Variants in PTPRN2 observed in about 807,000 individuals in gnomAD.
The protein encoded by PTPRN2 is receptor-type tyrosine-protein phosphatase N2.
A neutral mutation model predicts 118.8 loss-of-function variants in PTPRN2; 74 were observed. That is an observed-to-expected ratio of 0.62 (90% CI 0.52 to 0.76). PTPRN2 has a LOEUF of 0.76. Ranked by LOEUF, PTPRN2 falls within the 30% of genes least tolerant of loss-of-function variation. The pLI is 0.00. For synonymous variants in PTPRN2, 641 were observed against 608.0 expected (o/e 1.05, Z -0.80); for missense variants, 1,481 against 1,394.4 (o/e 1.06, Z -0.99).
Position 158,291,696 on chromosome 7 carries a change from A to G in PTPRN2, c.277+25123T>C, listed in dbSNP as rs565949400. ...TTTCTGAGGCTGAATACAGTGTTAA[A>G]TGAAATTCCCTGTCTGCACCAATGT... On this transcript the variant is annotated intron_variant, in intron 3 of 22. Transcript: ENST00000389418. Among the ~76,000 whole-genome samples, 3 of 152,342 alleles carry G rather than the reference A, an allele frequency of 2.0e-5. No homozygotes were observed. In the East Asian group the frequency reaches 5.8e-4, roughly 29 times the overall value.
chr7:158,213,799 A>G (rs1827777929), intron 3 of PTPRN2, among the ~76,000 whole-genome samples: 1 of 152,240 alleles, frequency 6.6e-6, no homozygotes, highest in Non-Finnish European at 1.5e-5. Context: ...GGATTCTCTT[A>G]ATATTAATAT....
chr7:157,834,517 C>T (rs192904720), intron 12 of PTPRN2, among the ~76,000 whole-genome samples: 1 of 144,658 alleles, frequency 6.9e-6, no homozygotes, highest in East Asian at 2.1e-4. Flanking sequence ...TTCCACCCAC[C>T]AATCAGTGAG....
At chr7:158,270,340 G>C (rs1315836984) in intron 3 of PTPRN2, among the ~76,000 whole-genome samples, 1 of 152,152 alleles carries the variant, frequency 6.6e-6, no homozygotes, top group Non-Finnish European at 1.5e-5. Flanking sequence ...AGCCAGGCGG[G>C]GGCACTGGGA....
chr7:158,092,227 T>C (rs1814242832), intron 10 of PTPRN2, among the ~76,000 whole-genome samples: 2 of 151,082 alleles, frequency 1.3e-5, no homozygotes. Flanking sequence ...TACACACATA[T>C]ATGTATATAT....
At chr7:158,224,924 C>T (rs906196105) in intron 3 of PTPRN2, among the ~76,000 whole-genome samples, 16 of 151,980 alleles carry the variant, frequency 1.1e-4, no homozygotes, top group African/African-American at 3.6e-4. Flanking sequence ...AAAGACATTT[C>T]GACAAAGAGG....
chr7:158,425,925 G>C (rs2129426019), intron 2 of PTPRN2, among the ~76,000 whole-genome samples: 1 of 144,862 alleles, frequency 6.9e-6, no homozygotes, highest in Admixed American at 6.7e-5. Flanking sequence ...AGTCAGTCCA[G>C]CCTAGCTGGG....
intron 6 of PTPRN2, among the ~76,000 whole-genome samples, chr7:158,147,650 C>G (rs1820280204): frequency 1.7e-5 from 2 of 115,848 alleles, no homozygotes; most frequent in African/African-American, 3.5e-5. Context: ...GACACCCCAT[C>G]TCATGCCACG....
chr7:158,522,352 G>A (rs1476783387), intron 1 of PTPRN2, among the ~76,000 whole-genome samples: 3 of 130,338 alleles, frequency 2.3e-5, no homozygotes, highest in Admixed American at 7.6e-5. Context: ...TCACAATGGT[G>A]GACTGTCCAG....
chr7:158,458,380 C>CT (rs1818691864), intron 2 of PTPRN2, among the ~76,000 whole-genome samples: 1 of 152,190 alleles, frequency 6.6e-6, no homozygotes, highest in African/African-American at 2.4e-5. Context: ...CCACGGCCAC[C>CT]TGGGGGAAAA....
In PTPRN2 at chr7:158,417,759, C is replaced by CTT. The variant is rs1159184932; in HGVS notation, c.163+71975_163+71976insAA. On this transcript the variant is annotated intron_variant, in intron 2 of 22. Transcript: ENST00000389418. ...ACGGTGTACTACATCGAGATGCTCT[C>CTT]TCAGTGTCCCGCTGTGTTAAGTCAC... Among the ~76,000 whole-genome samples, 53 of 18,286 alleles carry CTT rather than the reference C, an allele frequency of 2.9e-3. 16 individuals carry two copies. The highest frequency in any genetic ancestry group is 6.6e-3 in the African/African-American group (21 of 3,206). 12.0% of individuals were successfully genotyped at this position (18,286 alleles called of 152,430 possible). A position where few individuals can be genotyped will look rare whatever the true frequency, so the allele number is the denominator to read the frequency against.
At chr7:157,971,559 G>T (rs1228487116) in intron 11 of PTPRN2, among the ~76,000 whole-genome samples, 1 of 152,138 alleles carries the variant, frequency 6.6e-6, no homozygotes, top group African/African-American at 2.4e-5. Context: ...AACCCCCCTG[G>T]AACGTTCCCC....
chr7:158,527,312 C>T (rs543914144), intron 1 of PTPRN2, among the ~76,000 whole-genome samples: 5 of 152,226 alleles, frequency 3.3e-5, no homozygotes, highest in South Asian at 2.1e-4. Flanking sequence ...CCCCCGCCAC[C>T]GGAGCCACTT....
At chr7:157,561,868 C>T (rs566723932) in intron 21 of PTPRN2, among the ~76,000 whole-genome samples, 26 of 152,368 alleles carry the variant, frequency 1.7e-4, no homozygotes, top group African/African-American at 3.4e-4. Flanking sequence ...TCACAACCCA[C>T]GCCTGGCAGG....
Position 158,492,147 on chromosome 7 carries a change from C to G in PTPRN2, c.113-2362G>C, listed in dbSNP as rs373412469. On this transcript the variant is annotated intron_variant, in intron 1 of 22. Transcript: ENST00000389418. ...CACACAGAGGCGCACAGAGAAGGAG[C>G]TGGGAGCAGTAAGGATGTGACCACA... 7.9e-5 allele frequency among the ~76,000 whole-genome samples: 12 copies of G among 152,328 alleles called. No individual in the cohort carries two copies. The East Asian group carries it at 2.3e-3, about 29-fold the overall frequency.
intron 2 of PTPRN2, among the ~76,000 whole-genome samples, chr7:158,377,025 T>C (rs1461226325): frequency 8.5e-6 from 1 of 117,412 alleles, no homozygotes; most frequent in Non-Finnish European, 1.8e-5. Flanking sequence ...GAGACGGGGG[T>C]CAGGGGACTC....
intron 11 of PTPRN2, among the ~76,000 whole-genome samples, chr7:158,074,006 G>T (rs1305208336): frequency 6.6e-6 from 1 of 152,194 alleles, no homozygotes. Context: ...ACCACAGGAG[G>T]ACATACGTGT....
chr7:157,876,776 G>A (rs1265721468), intron 12 of PTPRN2, among the ~76,000 whole-genome samples: 1 of 152,212 alleles, frequency 6.6e-6, no homozygotes, highest in Non-Finnish European at 1.5e-5. Flanking sequence ...CTTTCTAAGA[G>A]GGAAGGTCGG....
At chr7:158,018,037 TCA>T (rs577522900) in intron 11 of PTPRN2, among the ~76,000 whole-genome samples, 36 of 152,214 alleles carry the variant, frequency 2.4e-4, no homozygotes, top group African/African-American at 7.7e-4. Flanking sequence ...TCCCTGCACC[TCA>T]CAGTTTCTGG....
intron 12 of PTPRN2, among the ~76,000 whole-genome samples, chr7:157,791,968 G>A (rs1376603592): frequency 6.6e-6 from 1 of 152,220 alleles, no homozygotes; most frequent in Non-Finnish European, 1.5e-5. Context: ...AGGCCTCCAC[G>A]AAGTGCTTCG....
Sources: gnomAD v4.1 joint callset for allele counts (sites outside exome capture counted in the v4.1 genomes callset) on GRCh38, gnomAD v4.1.1 for gene constraint, MANE v1.5 for transcripts, NCBI Gene and HGNC (gene_info 2026-07-23, HGNC 2026-07-21) for gene names.